TMTC2: variants seen among roughly 807,000 people sequenced by gnomAD.
The protein encoded by TMTC2 is protein O-mannosyl-transferase TMTC2.
TMTC2 carries 43 observed loss-of-function variants against 82.4 expected under a neutral mutation model. The observed-to-expected ratio is 0.52, with a 90% CI of 0.41 to 0.67. The LOEUF (loss-of-function observed/expected upper bound fraction) is 0.67, where lower values mean the gene tolerates loss of function less well. Ranked by LOEUF, TMTC2 falls within the 30% of genes least tolerant of loss-of-function variation. The pLI, the probability that TMTC2 is intolerant of heterozygous loss-of-function variation, is 0.00. For synonymous variants in TMTC2, 408 were observed against 381.9 expected (o/e 1.07, Z -0.80); for missense variants, 919 against 1,012.4 (o/e 0.91, Z 1.25).
intron 1 of TMTC2, among the ~76,000 whole-genome samples, chr12:82,820,278 A>G (rs1312557569): frequency 1.3e-5 from 2 of 152,206 alleles, no homozygotes; most frequent in Non-Finnish European, 2.9e-5. Context: ...AGACACACCC[A>G]GGAACAATAC....
At chr12:82,827,562 G>A (rs997430522) in intron 1 of TMTC2, among the ~76,000 whole-genome samples, 1 of 152,162 alleles carries the variant, frequency 6.6e-6, no homozygotes, top group Non-Finnish European at 1.5e-5. Flanking sequence ...AGAGTAGATC[G>A]AAGATCTAGA....
intron 1 of TMTC2, among the ~76,000 whole-genome samples, chr12:82,708,296 C>T (rs1873464830): frequency 6.6e-6 from 1 of 152,130 alleles, no homozygotes; most frequent in African/African-American, 2.4e-5. Flanking sequence ...AGGGGTTCTC[C>T]GACCACAGTT....
intron 1 of TMTC2, among the ~76,000 whole-genome samples, chr12:82,825,500 T>G (rs1869364259): frequency 6.6e-6 from 1 of 152,198 alleles, no homozygotes; most frequent in South Asian, 2.1e-4. Flanking sequence ...AAGTTTTCCT[T>G]GTCACTGGAG....
intron 11 of TMTC2, among the ~76,000 whole-genome samples, chr12:83,078,262 G>A (rs1015482304): frequency 2.6e-5 from 4 of 152,090 alleles, no homozygotes; most frequent in Non-Finnish European, 4.4e-5. Flanking sequence ...TCTGTATAAA[G>A]GCTTAGAGGA....
At position 82,880,873 on chromosome 12, in the gene TMTC2, G is replaced by T. The variant is rs770469536; in HGVS notation, c.655-14945G>T. On this transcript the variant is annotated intron_variant, in intron 2 of 11. Transcript: ENST00000321196. ...CAAAATGTTTGCACGTGTAAGTTCA[G>T]TTTATTTAATTTTAAATAATTAGGG... 9.9e-4 allele frequency among the ~76,000 whole-genome samples: 148 copies of T among 149,664 alleles called. 1 individual carries two copies. The highest frequency in any genetic ancestry group is 6.8e-3 in the Middle Eastern group (2 of 292).
chr12:83,026,205 A>G (rs78822782), intron 8 of TMTC2, among the ~76,000 whole-genome samples: 112 of 152,210 alleles, frequency 7.4e-4, no homozygotes, highest in African/African-American at 2.4e-3. Flanking sequence ...CTTTTAGGCA[A>G]TTTCAAAGAA....
chr12:82,715,068 G>A (rs948840808), intron 1 of TMTC2, among the ~76,000 whole-genome samples: 1 of 152,032 alleles, frequency 6.6e-6, no homozygotes, highest in Non-Finnish European at 1.5e-5. Flanking sequence ...TCAGGAGTTC[G>A]AGACCAGGCT....
intron 1 of TMTC2, among the ~76,000 whole-genome samples, chr12:82,823,487 T>C (rs1049437836): frequency 6.6e-6 from 1 of 152,222 alleles, no homozygotes; most frequent in African/African-American, 2.4e-5. Flanking sequence ...TTTTGCCCAT[T>C]TCCTGATTTG....
chr12:83,084,780 C>G (rs932460773), intron 11 of TMTC2, among the ~76,000 whole-genome samples: 12 of 152,162 alleles, frequency 7.9e-5, no homozygotes, highest in African/African-American at 2.9e-4. Context: ...TGAAGGGGGA[C>G]AGTGTGCCTA....
At chr12:82,823,466 C>T (rs987467772) in intron 1 of TMTC2, among the ~76,000 whole-genome samples, 1 of 152,164 alleles carries the variant, frequency 6.6e-6, no homozygotes, top group South Asian at 2.1e-4. Flanking sequence ...TATATGAGTA[C>T]TCTGCTAGGC....
intron 11 of TMTC2, among the ~76,000 whole-genome samples, chr12:83,126,616 A>C (rs532645555): frequency 6.6e-6 from 1 of 152,212 alleles, no homozygotes; most frequent in East Asian, 1.9e-4. Context: ...AGACAGATTG[A>C]AGAGCGATTT....
At chr12:82,885,135 T>C (rs1484368753) in intron 2 of TMTC2, among the ~76,000 whole-genome samples, 1 of 151,290 alleles carries the variant, frequency 6.6e-6, no homozygotes, top group Non-Finnish European at 1.5e-5. Flanking sequence ...ACTCCTGAAC[T>C]CAAGTAATCC....
At chr12:82,689,182 C>T (rs562069561) in intron 1 of TMTC2, among the ~76,000 whole-genome samples, 35 of 152,268 alleles carry the variant, frequency 2.3e-4, no homozygotes, top group African/African-American at 7.9e-4. Flanking sequence ...GTGGAAAAAG[C>T]CCTTGTTTCC....
chr12:83,029,684 G>T (rs112364825), intron 8 of TMTC2, among the ~76,000 whole-genome samples: 1 of 152,098 alleles, frequency 6.6e-6, no homozygotes, highest in South Asian at 2.1e-4. Flanking sequence ...TGCCAAACAA[G>T]ATAGAACTGC....
At chr12:83,126,107 A>T (rs1386303230) in intron 11 of TMTC2, among the ~76,000 whole-genome samples, 1 of 152,206 alleles carries the variant, frequency 6.6e-6, no homozygotes, top group African/African-American at 2.4e-5. Context: ...AGTCTGAAAA[A>T]TAAAATGTTG....
intron 4 of TMTC2, among the ~76,000 whole-genome samples, chr12:82,956,542 C>G (rs1877626322): frequency 6.6e-6 from 1 of 152,186 alleles, no homozygotes; most frequent in East Asian, 1.9e-4. Context: ...CTCCATCTCC[C>G]ATGTTCAAGT....
intron 1 of TMTC2, among the ~76,000 whole-genome samples, chr12:82,819,295 G>A (rs367939440): frequency 2.0e-5 from 3 of 151,822 alleles, no homozygotes; most frequent in East Asian, 1.9e-4. Flanking sequence ...ACTTCAACTC[G>A]AATTGCTCTT....
intron 11 of TMTC2, among the ~76,000 whole-genome samples, chr12:83,095,679 G>A (rs1884006672): frequency 6.6e-6 from 1 of 152,106 alleles, no homozygotes; most frequent in African/African-American, 2.4e-5. Flanking sequence ...ATCACAGTGA[G>A]TTACCTAATG....
intron 8 of TMTC2, among the ~76,000 whole-genome samples, chr12:82,992,020 A>C (rs1421245362): frequency 1.3e-5 from 2 of 152,096 alleles, no homozygotes; most frequent in Non-Finnish European, 2.9e-5. Flanking sequence ...GATATTGGAG[A>C]CTCTGACAGT....
Sources: gnomAD v4.1 joint callset for allele counts (sites outside exome capture counted in the v4.1 genomes callset) on GRCh38, gnomAD v4.1.1 for gene constraint, MANE v1.5 for transcripts, NCBI Gene and HGNC (gene_info 2026-07-23, HGNC 2026-07-21) for gene names.